MECOM: variants seen among roughly 807,000 people sequenced by gnomAD.
MECOM encodes MDS1 and EVI1 complex locus, also known as histone-lysine N-methyltransferase MECOM.
MECOM carries 13 observed loss-of-function variants against 116.3 expected under a neutral mutation model. That is an observed-to-expected ratio of 0.11 (90% confidence interval 0.07 to 0.18). The LOEUF (loss-of-function observed/expected upper bound fraction) is 0.18. Ranked by LOEUF, MECOM falls within the 10% of genes least tolerant of loss-of-function variation. The pLI is 1.00. For missense variants in MECOM, 1,299 were observed against 1,509.0 expected (o/e 0.86, Z 2.31); for synonymous variants, 528 against 535.2 (o/e 0.99, Z 0.19).
At chr3:169,572,577 A>G (rs956680464) in intron 1 of MECOM, among the ~76,000 whole-genome samples, 3 of 152,214 alleles carry the variant, frequency 2.0e-5, no homozygotes, top group African/African-American at 7.2e-5. Context: ...AATAGCAAAG[A>G]CTTGGAACCA....
At chr3:169,144,945 T>G in intron 2 of MECOM, 1 of 1,451,752 alleles carries the variant, frequency 6.9e-7, no homozygotes. Flanking sequence ...AAAAGCAATT[T>G]TGCATAGAAT....
chr3:169,260,527 C>G (rs575455673), intron 2 of MECOM, among the ~76,000 whole-genome samples: 1 of 150,708 alleles, frequency 6.6e-6, no homozygotes, highest in African/African-American at 2.4e-5. Flanking sequence ...GTTAAATCTG[C>G]GAAAAGTAAG....
intron 1 of MECOM, among the ~76,000 whole-genome samples, chr3:169,419,756 A>G (rs1010837250): frequency 2.0e-5 from 3 of 152,210 alleles, no homozygotes; most frequent in African/African-American, 7.2e-5. Context: ...AAATTGACAA[A>G]TGGAATTTAA....
chr3:169,118,764 A>G (rs1413617188), intron 7 of MECOM, among the ~76,000 whole-genome samples: 2 of 151,900 alleles, frequency 1.3e-5, no homozygotes, highest in African/African-American at 2.4e-5. Context: ...TTGGAGTAAC[A>G]GAAGTTCAGC....
At chr3:169,410,938 T>A (rs553182459) in intron 1 of MECOM, among the ~76,000 whole-genome samples, 1 of 152,244 alleles carries the variant, frequency 6.6e-6, no homozygotes, top group South Asian at 2.1e-4. Context: ...CATGAAATGC[T>A]TAGTCTTCTA....
intron 2 of MECOM, among the ~76,000 whole-genome samples, chr3:169,207,899 C>T (rs1049993119): frequency 6.6e-6 from 1 of 152,228 alleles, no homozygotes; most frequent in Non-Finnish European, 1.5e-5. Flanking sequence ...CCACTGACCA[C>T]GCTGACGATG....
chr3:169,576,838 C>CACACACACAGAG (rs368016499), intron 1 of MECOM, among the ~76,000 whole-genome samples: 1 of 125,012 alleles, frequency 8.0e-6, no homozygotes, highest in African/African-American at 2.9e-5. Flanking sequence ...CACACACACA[C>CACACACACAGAG]AGAGAGAGAG....
intron 2 of MECOM, among the ~76,000 whole-genome samples, chr3:169,278,882 TC>T (rs1349206915): frequency 1.3e-5 from 2 of 152,198 alleles, no homozygotes; most frequent in Non-Finnish European, 1.5e-5. Context: ...TCCAGTTTTT[TC>T]CAGAGGTGTG....
intron 1 of MECOM, among the ~76,000 whole-genome samples, chr3:169,470,984 C>T (rs1749132751): frequency 6.6e-6 from 1 of 152,064 alleles, no homozygotes; most frequent in Non-Finnish European, 1.5e-5. Context: ...CAGGGTCTGG[C>T]TCTGTCACCC....
At position 169,425,688 on chromosome 3, in the gene MECOM, A is replaced by T. The variant is rs145728622; in HGVS notation, c.38-44164T>A. 5.8e-3 allele frequency among the ~76,000 whole-genome samples: 887 copies of T among 152,294 alleles called. 5 individuals are homozygous for T. Among genetic ancestry groups the T allele is most frequent in the South Asian group, 0.016 (77 of 4,826 alleles). Reference sequence around the variant, plus strand: ...AGCGATAGAGCATATTTAAAAGCCCACATTCTTAGCCACTTTATTTTGCTG... The same window carrying T: ...AGCGATAGAGCATATTTAAAAGCCCTCATTCTTAGCCACTTTATTTTGCTG... On this transcript the variant is annotated intron_variant, in intron 1 of 16. Coordinates refer to ENST00000651503, the MANE Select transcript of MECOM (RefSeq NM_004991.4).
Position 169,381,185 on chromosome 3 carries a change from A to G in MECOM, c.375+2T>C. The G allele has an allele frequency of 6.3e-7, 1 of 1,596,862 alleles. No individual in the cohort carries two copies. The highest frequency in any genetic ancestry group is 8.6e-7 in the Non-Finnish European group (1 of 1,167,656). On this transcript the variant is annotated splice_donor_variant, in intron 2 of 16. Coordinates refer to ENST00000651503, the MANE Select transcript of MECOM (RefSeq NM_004991.4). LOFTEE classifies it high-confidence loss of function. ...ATGTGTTAACTCAAAATACATTCTTACCTCCCATCCATAACTGGGGTCTTT... is the reference window on the plus strand; with the variant it reads ...ATGTGTTAACTCAAAATACATTCTTGCCTCCCATCCATAACTGGGGTCTTT...
At chr3:169,438,405 G>A (rs189410089) in intron 1 of MECOM, among the ~76,000 whole-genome samples, 1 of 152,264 alleles carries the variant, frequency 6.6e-6, no homozygotes, top group Non-Finnish European at 1.5e-5. Flanking sequence ...CCCAGGAAAC[G>A]TGTGTTAAGG....
At chr3:169,260,477 T>G (rs74832615) in intron 2 of MECOM, among the ~76,000 whole-genome samples, 1 of 148,250 alleles carries the variant, frequency 6.7e-6, no homozygotes, top group South Asian at 2.1e-4. Context: ...TTTTTTTTTT[T>G]GGCTCTGCAC....
intron 2 of MECOM, among the ~76,000 whole-genome samples, chr3:169,319,762 T>C (rs1029594330): frequency 1.3e-5 from 2 of 152,120 alleles, no homozygotes; most frequent in Non-Finnish European, 2.9e-5. Context: ...ATGTGTAAAG[T>C]GGGGAAATGA....
intron 2 of MECOM, among the ~76,000 whole-genome samples, chr3:169,339,936 T>G (rs963514514): frequency 4.6e-5 from 7 of 152,128 alleles, no homozygotes; most frequent in African/African-American, 1.7e-4. Flanking sequence ...TAACTCTGCT[T>G]TCTAACAAGA....
At chr3:169,557,650 G>A (rs558874428) in intron 1 of MECOM, among the ~76,000 whole-genome samples, 532 of 152,284 alleles carry the variant, frequency 3.5e-3, no homozygotes, top group African/African-American at 0.012. Context: ...TTATATTAAT[G>A]ATAAACCATT....
intron 2 of MECOM, among the ~76,000 whole-genome samples, chr3:169,255,015 T>C (rs1253743005): frequency 6.6e-6 from 1 of 152,118 alleles, no homozygotes; most frequent in Non-Finnish European, 1.5e-5. Context: ...GGATCAGAGA[T>C]CTACCAAAGG....
chr3:169,398,392 A>G (rs1735335433), intron 1 of MECOM, among the ~76,000 whole-genome samples: 1 of 152,220 alleles, frequency 6.6e-6, no homozygotes, highest in African/African-American at 2.4e-5. Flanking sequence ...ATTGAAGAAC[A>G]TATCATACAC....
intron 2 of MECOM, among the ~76,000 whole-genome samples, chr3:169,187,148 T>C (rs564169878): frequency 6.6e-6 from 1 of 152,292 alleles, no homozygotes; most frequent in Admixed American, 6.5e-5. Flanking sequence ...CAATGGGGAC[T>C]ACTACCTGGA....
Sources: allele counts gnomAD v4.1 joint callset (sites outside exome capture counted in the v4.1 genomes callset), GRCh38; gene constraint gnomAD v4.1.1; transcripts MANE v1.5; gene names NCBI Gene and HGNC (gene_info 2026-07-23, HGNC 2026-07-21).